RARB: variants seen among roughly 807,000 people sequenced by gnomAD.
The protein encoded by RARB is retinoic acid receptor beta.
In RARB, 17 loss-of-function variants were observed where a neutral mutation model predicts 51.9. The observed-to-expected ratio is 0.33, with a 90% CI of 0.22 to 0.49. The LOEUF (loss-of-function observed/expected upper bound fraction) is 0.49. Ranked by LOEUF, RARB falls within the 20% of genes least tolerant of loss-of-function variation. RARB has a pLI of 0.99. For synonymous variants in RARB, 215 were observed against 195.4 expected (o/e 1.10, Z -0.84); for missense variants, 369 against 550.8 (o/e 0.67, Z 3.30).
chr3:25,205,294 A>G (rs955579274), intron 5 of RARB, among the ~76,000 whole-genome samples: 4 of 152,102 alleles, frequency 2.6e-5, no homozygotes, highest in Non-Finnish European at 5.9e-5. Context: ...TTAGGGTGGG[A>G]GTGACCCGAT....
chr3:24,843,590 C>T (rs973183086), intron 1 of RARB, among the ~76,000 whole-genome samples: 1 of 152,186 alleles, frequency 6.6e-6, no homozygotes, highest in Non-Finnish European at 1.5e-5. Context: ...CCAGCCCACA[C>T]ACCATCAAAC....
intron 1 of RARB, chr3:24,858,658 A>C (rs1249233119): frequency 2.0e-5 from 3 of 152,128 alleles, no homozygotes; most frequent in Non-Finnish European, 4.4e-5. Context: ...CTAAATGAAA[A>C]CCATTGTTTT....
intron 4 of RARB, among the ~76,000 whole-genome samples, chr3:25,156,674 T>TA (rs905935990): frequency 2.6e-5 from 4 of 152,004 alleles, no homozygotes; most frequent in East Asian, 1.9e-4. Flanking sequence ...TACAACACAT[T>TA]AAAAAAATGC....
At chr3:25,132,144 C>T (rs892901259) in intron 3 of RARB, among the ~76,000 whole-genome samples, 1 of 151,854 alleles carries the variant, frequency 6.6e-6, no homozygotes, top group Non-Finnish European at 1.5e-5. Flanking sequence ...CCCAGTTTTT[C>T]CTCTCTTCTC....
chr3:24,906,333 A>G (rs981489947), intron 2 of RARB, among the ~76,000 whole-genome samples: 9 of 152,204 alleles, frequency 5.9e-5, no homozygotes, highest in African/African-American at 1.7e-4. Context: ...ATTGACTTGG[A>G]TATAGCAGAT....
chr3:25,022,095 T>A (rs925620905), intron 2 of RARB, among the ~76,000 whole-genome samples: 2 of 152,170 alleles, frequency 1.3e-5, no homozygotes, highest in East Asian at 3.9e-4. Context: ...AACAAGTTTT[T>A]ATTACTGCCA....
chr3:25,550,577 G>A (rs1306583683), intron 3 of RARB, among the ~76,000 whole-genome samples: 1 of 152,102 alleles, frequency 6.6e-6, no homozygotes, highest in Non-Finnish European at 1.5e-5. Flanking sequence ...CCTCGCCTTT[G>A]AATACCATCA....
chr3:25,429,901 A>T (rs1708136304), intron 1 of RARB, among the ~76,000 whole-genome samples: 2 of 152,230 alleles, frequency 1.3e-5, no homozygotes. Flanking sequence ...AATTCATTGG[A>T]GCATTAGCCT....
intron 5 of RARB, among the ~76,000 whole-genome samples, chr3:25,220,624 C>T (rs1280977306): frequency 6.6e-6 from 1 of 152,146 alleles, no homozygotes; most frequent in African/African-American, 2.4e-5. Flanking sequence ...TTGGTAGTTC[C>T]TTCTGCATTC....
intron 3 of RARB, among the ~76,000 whole-genome samples, chr3:25,079,383 G>C (rs558266539): frequency 6.6e-6 from 1 of 152,096 alleles, no homozygotes; most frequent in African/African-American, 2.4e-5. Flanking sequence ...CATTGTGCCA[G>C]ACAGAACCTC....
At chr3:25,131,042 T>A (rs1314685959) in intron 3 of RARB, among the ~76,000 whole-genome samples, 1 of 150,740 alleles carries the variant, frequency 6.6e-6, no homozygotes, top group East Asian at 1.9e-4. Context: ...TCAATGATCT[T>A]ATCAATATTT....
At chr3:25,086,360 C>T (rs1699105530) in intron 3 of RARB, among the ~76,000 whole-genome samples, 1 of 152,138 alleles carries the variant, frequency 6.6e-6, no homozygotes, top group Non-Finnish European at 1.5e-5. Context: ...TCTTTGTGTA[C>T]TGTGTCATTT....
intron 3 of RARB, among the ~76,000 whole-genome samples, chr3:25,114,121 A>C (rs1346156189): frequency 6.6e-6 from 1 of 152,172 alleles, no homozygotes; most frequent in East Asian, 1.9e-4. Flanking sequence ...ATTTGTAAGG[A>C]GAGGTAGAGG....
chr3:24,844,267 A>G (rs1186054993), intron 1 of RARB, among the ~76,000 whole-genome samples: 1 of 152,228 alleles, frequency 6.6e-6, no homozygotes, highest in African/African-American at 2.4e-5. Context: ...AGCCAGAACA[A>G]AGGCCTGGGA....
chr3:25,305,909 G>C (rs4681045), intron 5 of RARB, among the ~76,000 whole-genome samples: 70,978 of 151,956 alleles, frequency 0.47, 17,430 homozygotes, highest in East Asian at 0.87. Context: ...AATGTTTGCA[G>C]CCTGTCTGGT....
chr3:25,428,223 T>G (rs1037129545), upstream of RARB: 1 of 1,229,856 alleles, frequency 8.1e-7, no homozygotes, highest in Non-Finnish European at 1.0e-6. Context: ...TCACCGAAAG[T>G]TCACTCGCAT....
At chr3:25,335,023 A>G (rs1705023491) in intron 5 of RARB, among the ~76,000 whole-genome samples, 6 of 152,172 alleles carry the variant, frequency 3.9e-5, no homozygotes, top group Admixed American at 3.9e-4. Context: ...AGAGGAGTCA[A>G]GAGCATGGGC....
At chr3:25,577,476 G>A (rs896226575) in intron 4 of RARB, among the ~76,000 whole-genome samples, 1 of 152,152 alleles carries the variant, frequency 6.6e-6, no homozygotes, top group Non-Finnish European at 1.5e-5. Flanking sequence ...TCTCCAGGAT[G>A]GTGGAAGGAT....
At chr3:25,249,884 G>A (rs927715738) in intron 5 of RARB, among the ~76,000 whole-genome samples, 1 of 152,198 alleles carries the variant, frequency 6.6e-6, no homozygotes, top group Non-Finnish European at 1.5e-5. Context: ...GGGCCCCAGG[G>A]CGGCATATGC....
Sources: allele counts gnomAD v4.1 joint callset (sites outside exome capture counted in the v4.1 genomes callset), GRCh38; gene constraint gnomAD v4.1.1; transcripts MANE v1.5; gene names NCBI Gene and HGNC (gene_info 2026-07-23, HGNC 2026-07-21).